The following DCC variants were observed in gnomAD, a reference collection of about 807,000 sequenced individuals.
DCC encodes netrin receptor DCC.
A neutral mutation model predicts 172.5 loss-of-function variants in DCC; 58 were observed. The observed-to-expected ratio is 0.34, with a 90% CI of 0.27 to 0.42. DCC has a LOEUF of 0.42. Among genes scored for constraint, DCC ranks in the 10% least tolerant of loss-of-function variants. DCC has a pLI of 1.00. For missense variants in DCC, 1,740 were observed against 1,791.0 expected, an observed-to-expected ratio of 0.97 and a Z score of 0.51; for synonymous variants, 709 against 644.5, an observed-to-expected ratio of 1.10 and a Z score of -1.52.
rs116271917 is a variant in DCC at position 52,558,753 on chromosome 18, A to G, written c.92-193301A>G. 5.6e-3 allele frequency among the ~76,000 whole-genome samples: 857 copies of G among 152,314 alleles called. 10 individuals are homozygous for G. Among genetic ancestry groups the G allele is most frequent in the African/African-American group, 0.02 (829 of 41,562 alleles). On this transcript the variant is annotated intron_variant, in intron 1 of 28. Transcript: ENST00000442544. ...AATTTTAAATGAAAAATGAAAAACA[A>G]AGAGTGCATCTATAATTTCTAGCCA...
intron 27 of DCC, among the ~76,000 whole-genome samples, chr18:53,522,737 C>A (rs1321326066): frequency 2.0e-5 from 3 of 152,054 alleles, no homozygotes; most frequent in African/African-American, 7.2e-5. Context: ...AACCTGACCC[C>A]TCCTTACACC....
At chr18:52,714,772 C>CCT (rs146790071) in intron 1 of DCC, among the ~76,000 whole-genome samples, 4 of 151,688 alleles carry the variant, frequency 2.6e-5, no homozygotes, top group South Asian at 2.1e-4. Flanking sequence ...ATAATTCTAT[C>CCT]CTCTCTCTCT....
intron 1 of DCC, among the ~76,000 whole-genome samples, chr18:52,536,723 T>A (rs994621988): frequency 2.0e-5 from 3 of 152,188 alleles, no homozygotes; most frequent in African/African-American, 7.2e-5. Context: ...CATGTCGCCC[T>A]TTTCTTCAAG....
intron 12 of DCC, among the ~76,000 whole-genome samples, chr18:53,300,993 T>TTTCTTTCTTTCTTTCTTTCTTTCTTTC (rs1295331909): frequency 4.3e-3 from 49 of 11,398 alleles, no homozygotes; most frequent in South Asian, 0.011. Context: ...TTCTTTCTTT[T>TTTCTTTCTTTCTTTCTTTCTTTCTTTC]TTTTTCTTTT....
intron 1 of DCC, among the ~76,000 whole-genome samples, chr18:52,462,403 C>A (rs1437840413): frequency 1.3e-5 from 2 of 152,148 alleles, no homozygotes; most frequent in Non-Finnish European, 2.9e-5. Context: ...TCCCAGCCCA[C>A]ATCCTGTAAT....
At chr18:53,036,514 A>G (rs1462199619) in intron 5 of DCC, among the ~76,000 whole-genome samples, 2 of 152,098 alleles carry the variant, frequency 1.3e-5, no homozygotes, top group Non-Finnish European at 2.9e-5. Context: ...CTGATTTCAG[A>G]TAACGTTCCT....
intron 15 of DCC, among the ~76,000 whole-genome samples, chr18:53,382,136 TTC>T (rs1243150086): frequency 1.3e-5 from 2 of 150,592 alleles, no homozygotes; most frequent in African/African-American, 4.9e-5. Flanking sequence ...AGTGTGGAAT[TTC>T]TGATCACTTT....
chr18:52,806,512 T>C (rs569309095), intron 2 of DCC, among the ~76,000 whole-genome samples: 1 of 152,332 alleles, frequency 6.6e-6, no homozygotes, highest in South Asian at 2.1e-4. Context: ...TAGGCTTTAT[T>C]TGATGGCCAT....
At chr18:52,468,098 G>C (rs989336166) in intron 1 of DCC, among the ~76,000 whole-genome samples, 1 of 152,154 alleles carries the variant, frequency 6.6e-6, no homozygotes, top group African/African-American at 2.4e-5. Flanking sequence ...AGGTTTTAGA[G>C]CCCTAACTAT....
chr18:52,377,944 C>T (rs771229366), intron 1 of DCC, among the ~76,000 whole-genome samples: 2 of 152,036 alleles, frequency 1.3e-5, no homozygotes, highest in African/African-American at 2.4e-5. Flanking sequence ...AAGTGATCCC[C>T]CTGCCTCGGC....
At chr18:52,776,356 T>G (rs75255207) in intron 2 of DCC, among the ~76,000 whole-genome samples, 8,037 of 152,160 alleles carry the variant, frequency 0.053, 289 homozygotes, top group South Asian at 0.16. Flanking sequence ...TAAAATGTAT[T>G]AGGTTTGTTA....
At chr18:52,514,015 C>T (rs1038027983) in intron 1 of DCC, among the ~76,000 whole-genome samples, 3 of 152,090 alleles carry the variant, frequency 2.0e-5, no homozygotes, top group African/African-American at 7.2e-5. Context: ...TTATTACTTC[C>T]ACAAGATAGT....
chr18:52,405,881 A>T, intron 1 of DCC, among the ~76,000 whole-genome samples: 1 of 151,856 alleles, frequency 6.6e-6, no homozygotes, highest in Non-Finnish European at 1.5e-5. Flanking sequence ...CTAAGCCAAA[A>T]GAACAAAGCT....
In DCC at chr18:53,410,516, C is replaced by G; in HGVS notation, c.3000C>G (p.Ile1000Met). 6.2e-7 allele frequency: 1 copy of G among 1,608,222 alleles called. No homozygotes were observed. The highest frequency in any genetic ancestry group is 8.5e-7 in the Non-Finnish European group (1 of 1,174,662). Reference sequence around the variant, plus strand: ...TTGATGACTGGATTATGGAAACAATCAGTGGTGATAGGCTTACTCATCAAA... The same window carrying G: ...TTGATGACTGGATTATGGAAACAATGAGTGGTGATAGGCTTACTCATCAAA... ...IPIDDWIMETISGDRLTHQIM... is the reference protein window; with the variant it reads ...IPIDDWIMETMSGDRLTHQIM... Residue 1000 changes from isoleucine (I) to methionine (M), a missense_variant, in exon 20 of 29, where the codon ATC becomes ATG. Ile to Met is a conservative substitution (Grantham distance 10, BLOSUM62 1). Around this residue, in one of 2 missense-constraint regions of DCC, gnomAD observed 1,732 missense variants for 1,767.4 expected, o/e 0.98. Transcript: ENST00000442544.
chr18:52,390,274 A>G (rs1030797593), intron 1 of DCC, among the ~76,000 whole-genome samples: 9 of 151,916 alleles, frequency 5.9e-5, no homozygotes, highest in Non-Finnish European at 1.2e-4. Flanking sequence ...ATCCCTTTGG[A>G]GGTAGGTGGA....
At chr18:53,080,256 A>G (rs907287869) in intron 7 of DCC, among the ~76,000 whole-genome samples, 2 of 152,072 alleles carry the variant, frequency 1.3e-5, no homozygotes, top group Non-Finnish European at 2.9e-5. Context: ...TCTTGACTTA[A>G]CTGAATGGAT....
intron 1 of DCC, among the ~76,000 whole-genome samples, chr18:52,604,454 G>A (rs1264981358): frequency 6.6e-6 from 1 of 152,132 alleles, no homozygotes; most frequent in Non-Finnish European, 1.5e-5. Context: ...TGCAGTTGCT[G>A]TAATTTTATT....
At chr18:52,962,837 C>T (rs1010318449) in intron 5 of DCC, among the ~76,000 whole-genome samples, 6 of 151,782 alleles carry the variant, frequency 4.0e-5, no homozygotes, top group African/African-American at 1.2e-4. Context: ...CCATCATTTT[C>T]AGCAAACTAT....
rs1388432765 is a variant in DCC, at chr18:53,063,401, C to G, written c.1082C>G (p.Thr361Ser). 9.9e-6 allele frequency: 16 copies of G among 1,612,362 alleles called. No individual in the cohort carries two copies. The East Asian group carries it at 3.3e-4, about 34-fold the overall frequency. The change falls in exon 6 of 29, where the codon ACT becomes AGT. Residue 361 changes from threonine (T) to serine (S), a missense_variant. Around this residue, in one of 2 missense-constraint regions of DCC, gnomAD observed 1,732 missense variants for 1,767.4 expected, o/e 0.98. Transcript: ENST00000442544. ...ECTVSGKPVP[T>S]VNWMKNGDVV... ...ACAGTCTCTGGAAAGCCTGTGCCCA[C>G]TGTGAATTGGATGAAGAATGGAGAT... is the stretch of plus-strand genomic sequence containing the variant.
Sources: allele counts gnomAD v4.1 joint callset (sites outside exome capture counted in the v4.1 genomes callset), GRCh38; gene constraint gnomAD v4.1.1; regional missense constraint gnomAD v4.1.1; transcripts MANE v1.5; gene names NCBI Gene and HGNC (gene_info 2026-07-23, HGNC 2026-07-21).